Variants in RELN observed in about 807,000 individuals in gnomAD.
RELN encodes reelin.
Under a neutral mutation model 427.6 loss-of-function variants are expected in RELN, and 108 were observed. The ratio of observed to expected loss-of-function variants is 0.25; its 90% CI spans 0.22 to 0.30. The LOEUF is 0.30. RELN is among the 10% of genes least tolerant of loss of function. The probability of loss-of-function intolerance (pLI) is 1.00; values close to 1 mark genes in which losing one functional copy is unlikely to be tolerated. For synonymous variants in RELN, 1,524 were observed against 1,513.4 expected (o/e 1.01, Z -0.16); for missense variants, 3,715 against 4,302.8 (o/e 0.86, Z 3.82).
intron 2 of RELN, among the ~76,000 whole-genome samples, chr7:103,857,536 A>G (rs1793975115): frequency 6.6e-6 from 1 of 152,246 alleles, no homozygotes; most frequent in Non-Finnish European, 1.5e-5. Context: ...ATGCACACGT[A>G]AGGGCCTGCC....
chr7:103,889,660 G>A (rs925641030), intron 2 of RELN, among the ~76,000 whole-genome samples: 3 of 152,118 alleles, frequency 2.0e-5, no homozygotes, highest in Admixed American at 6.5e-5. Flanking sequence ...TGAGAAAGGG[G>A]GGCAGGGCAG....
intron 3 of RELN, among the ~76,000 whole-genome samples, chr7:103,821,638 C>T (rs942550981): frequency 5.3e-5 from 8 of 152,124 alleles, no homozygotes; most frequent in African/African-American, 1.9e-4. Flanking sequence ...CATCTCAAAT[C>T]TGAGCATTAA....
intron 6 of RELN, among the ~76,000 whole-genome samples, chr7:103,729,220 G>C (rs900866541): frequency 2.6e-5 from 4 of 152,078 alleles, no homozygotes; most frequent in African/African-American, 9.7e-5. Flanking sequence ...CACATTCCAG[G>C]TGCCAAACAT....
At chr7:103,728,927 T>G (rs1398565992) in intron 6 of RELN, among the ~76,000 whole-genome samples, 2 of 152,146 alleles carry the variant, frequency 1.3e-5, no homozygotes, top group African/African-American at 4.8e-5. Flanking sequence ...CGGAATTAGC[T>G]CCTATCTTTA....
chr7:103,718,707 T>C (rs576945616), intron 8 of RELN, among the ~76,000 whole-genome samples: 4 of 152,180 alleles, frequency 2.6e-5, no homozygotes, highest in Non-Finnish European at 5.9e-5. Context: ...AAGCAATATT[T>C]ATGAGCATCT....
rs747002662 is a variant in RELN, at chr7:103,651,787, A to G, written c.1766T>C (p.Val589Ala). The change falls in exon 15 of 65, where the codon GTC becomes GCC. Residue 589 changes from valine (V) to alanine (A), a missense_variant and splice_region_variant. Transcript: ENST00000428762. ...GCGTHQPGNS[V>A]SLEFSTNHGR... is the part of the protein sequence containing the mutation. ...ATGGTTGGTAGAAAATTCCAAGCTG[A>G]CACTAATAAAACCAGAACAAGCACA... 1.2e-6 allele frequency: 2 copies of G among 1,611,468 alleles called. No individual in the cohort carries two copies. Among genetic ancestry groups the G allele is most frequent in the African/African-American group, 2.7e-5 (2 of 74,902 alleles).
rs1404622348 is a variant in RELN at position 103,678,820 on chromosome 7, AC to A, written c.1289+3295del. Among the ~76,000 whole-genome samples, 4 of 152,318 alleles carry A rather than the reference AC, an allele frequency of 2.6e-5. 1 individual carries two copies. Among genetic ancestry groups the A allele is most frequent in the African/African-American group, 7.2e-5 (3 of 41,578 alleles). On this transcript the variant is annotated intron_variant, in intron 11 of 64. Transcript: ENST00000428762. ...TAGAATTCAATCAATTCAACTGGCC[AC>A]CCTTGAGTGAGTGAGGATTTGCCAT...
intron 22 of RELN, among the ~76,000 whole-genome samples, chr7:103,606,560 C>T (rs191407930): frequency 3.3e-5 from 5 of 152,282 alleles, no homozygotes; most frequent in Admixed American, 1.3e-4. Flanking sequence ...TCTGCTGGTA[C>T]GTTGACCAAG....
rs778306991 is a variant in RELN, at chr7:103,542,898, TG to T, written c.6524-21del. On this transcript the variant is annotated intron_variant, in intron 42 of 64. Transcript: ENST00000428762. ...GCTGACCTGAAAAAATTGGAAAATA[TG>T]GTTTACCTATGACCCCAACTATAGT... 1 of 1,613,458 alleles carries T rather than the reference TG, an allele frequency of 6.2e-7. No homozygotes were observed. Among genetic ancestry groups the T allele is most frequent in the South Asian group, 1.1e-5 (1 of 91,076 alleles).
At position 103,954,078 on chromosome 7, in the gene RELN, T is replaced by C. The variant is rs190988160; in HGVS notation, c.226+35053A>G. 9.3e-3 allele frequency among the ~76,000 whole-genome samples: 1,412 copies of C among 151,808 alleles called. 14 individuals are homozygous for C. Among genetic ancestry groups the C allele is most frequent in the Middle Eastern group, 0.017 (5 of 294 alleles). The stretch of plus-strand genomic sequence containing the variant: ...CAGCCTGGCCAACAGAGCAAAACCC[T>C]GTCTCTACTAAAAATAAAATTAAAA... On this transcript the variant is annotated intron_variant, in intron 1 of 64. Transcript: ENST00000428762.
chr7:103,820,097 T>G (rs1287623778), intron 3 of RELN, among the ~76,000 whole-genome samples: 3 of 152,050 alleles, frequency 2.0e-5, no homozygotes, highest in African/African-American at 7.2e-5. Flanking sequence ...TTATCCAGCA[T>G]GGCATTTATT....
chr7:103,891,956 T>C (rs190311214), intron 2 of RELN, among the ~76,000 whole-genome samples: 1 of 152,318 alleles, frequency 6.6e-6, no homozygotes, highest in East Asian at 1.9e-4. Context: ...GAACATCGTA[T>C]GTAGGGTAAG....
chr7:103,795,590 C>T (rs1792279912), intron 3 of RELN, among the ~76,000 whole-genome samples: 1 of 152,048 alleles, frequency 6.6e-6, no homozygotes. Flanking sequence ...GTTTATTTTT[C>T]CCTTTGCTGG....
chr7:103,959,694 T>G (rs185267766), intron 1 of RELN, among the ~76,000 whole-genome samples: 494 of 152,224 alleles, frequency 3.2e-3, no homozygotes, highest in Admixed American at 7.6e-3. Flanking sequence ...CACTGCAGCT[T>G]AAACCTCCCT....
rs944238023 is a variant in RELN at position 103,490,589 on chromosome 7, C to G, written c.9605+79G>C. The G allele has an allele frequency of 2.8e-6, 4 of 1,439,484 alleles. No homozygotes were observed. The Admixed American group carries it at 6.7e-5, about 24-fold the overall frequency. The allele number at this position is 1,439,484 out of a possible 1,614,324, so 89.2% of individuals were successfully genotyped here. On this transcript the variant is annotated intron_variant, in intron 59 of 64. Transcript: ENST00000428762. The stretch of plus-strand genomic sequence containing the variant: ...CATGTAAAGCTCTGCCTCACACTGT[C>G]AGTTGTTTTCAGCTCACTGCATGAA...
chr7:103,483,053 T>G (rs1295276854), intron 62 of RELN, 82 bp from the exon 63 acceptor site: 1 of 1,020,266 alleles, frequency 9.8e-7, no homozygotes, highest in East Asian at 2.4e-5. Context: ...TGTCAAATAT[T>G]ATAATAGGCT....
rs762071188 is a variant in RELN, at chr7:103,963,134, C to CTTCTTTTT, written c.226+25996_226+25997insAAAAAGAA. 3.4e-3 allele frequency among the ~76,000 whole-genome samples: 474 copies of CTTCTTTTT among 139,320 alleles called. 4 individuals are homozygous for CTTCTTTTT. Among genetic ancestry groups the CTTCTTTTT allele is most frequent in the African/African-American group, 0.012 (452 of 36,440 alleles). 91.4% of individuals were successfully genotyped at this position (139,320 alleles called of 152,430 possible). A position where few individuals can be genotyped will look rare whatever the true frequency, so the allele number is the denominator to read the frequency against. ...TCTCTCTCTCTCCTCTTTTCGCCTT[C>CTTCTTTTT]TTTTTTTTTTCTCATTGGCGCTTTC... On this transcript the variant is annotated intron_variant, in intron 1 of 64. Coordinates refer to ENST00000428762, the MANE Select transcript of RELN (RefSeq NM_005045.4).
chr7:103,499,949 CA>C (rs1367478631), intron 53 of RELN, among the ~76,000 whole-genome samples: 1 of 152,164 alleles, frequency 6.6e-6, no homozygotes, highest in Non-Finnish European at 1.5e-5. Flanking sequence ...TCTTCAGACA[CA>C]AATGAGCATT....
intron 8 of RELN, among the ~76,000 whole-genome samples, chr7:103,708,450 C>A (rs1789694462): frequency 7.0e-6 from 1 of 143,754 alleles, no homozygotes; most frequent in Non-Finnish European, 1.5e-5. Flanking sequence ...ACCCAAACAC[C>A]AGTGGGTATG....
Sources: gnomAD v4.1 joint callset for allele counts (sites outside exome capture counted in the v4.1 genomes callset) on GRCh38, gnomAD v4.1.1 for gene constraint, MANE v1.5 for transcripts, NCBI Gene and HGNC (gene_info 2026-07-23, HGNC 2026-07-21) for gene names.